The following INPP4B variants were observed in gnomAD, a reference collection of about 807,000 sequenced individuals.
The protein encoded by INPP4B is inositol polyphosphate 4-phosphatase type II.
INPP4B carries 55 observed loss-of-function variants against 122.5 expected under a neutral mutation model. The ratio of observed to expected loss-of-function variants is 0.45; its 90% CI spans 0.36 to 0.56. The LOEUF is 0.56. INPP4B is among the 20% of genes least tolerant of loss of function. The pLI, the probability that INPP4B is intolerant of heterozygous loss-of-function variation, is 0.00. For missense variants in INPP4B, 1,000 were observed against 1,097.7 expected (o/e 0.91, Z 1.26); for synonymous variants, 403 against 388.7 (o/e 1.04, Z -0.43).
At chr4:142,671,790 G>T (rs186793006) in intron 2 of INPP4B, among the ~76,000 whole-genome samples, 20 of 152,198 alleles carry the variant, frequency 1.3e-4, no homozygotes, top group Admixed American at 3.9e-4. Context: ...TTTACATACT[G>T]TAAAATTTAC....
At chr4:142,694,391 GAAAAAAAGA>G (rs1208714848) in intron 2 of INPP4B, among the ~76,000 whole-genome samples, 9 of 145,402 alleles carry the variant, frequency 6.2e-5, no homozygotes, top group African/African-American at 2.3e-4. Flanking sequence ...AAACAAAAAA[GAAAAAAAGA>G]AAAAAAAAAC....
rs190948064 is a variant in INPP4B, at chr4:142,500,577, G to A, written c.-190-37851C>T. 8.7e-4 allele frequency among the ~76,000 whole-genome samples: 133 copies of A among 152,278 alleles called. 2 individuals carry two copies. Among genetic ancestry groups the A allele is most frequent in the African/African-American group, 3.1e-3 (127 of 41,558 alleles). On this transcript the variant is annotated intron_variant, in intron 2 of 25. Transcript: ENST00000262992. ...AAAGCTGAATAACATTCCATTGCAT[G>A]TATATACAACATTTTCTTTATCTGT...
chr4:142,340,899 A>C lies in INPP4B; in HGVS notation c.373-26137T>G, dbSNP rs144176261. 4.6e-3 allele frequency among the ~76,000 whole-genome samples: 704 copies of C among 152,310 alleles called. 17 individuals carry two copies. The highest frequency in any genetic ancestry group is 0.042 in the Admixed American group (640 of 15,298). ...TTTAAGTACCATCTGGAGAAAAAAAACTGTAGATCTGTTGTTTTATCATAT... is the reference window on the plus strand; with the variant it reads ...TTTAAGTACCATCTGGAGAAAAAAACCTGTAGATCTGTTGTTTTATCATAT... On this transcript the variant is annotated intron_variant, in intron 7 of 25. Coordinates refer to ENST00000262992, the MANE Select transcript of INPP4B (RefSeq NM_001101669.3).
At chr4:142,260,131 C>T (rs1042930356) in intron 11 of INPP4B, among the ~76,000 whole-genome samples, 13 of 152,088 alleles carry the variant, frequency 8.5e-5, no homozygotes, top group Non-Finnish European at 1.8e-4. Context: ...ACTACAGGCA[C>T]GGGCCACCAT....
chr4:142,765,802 C>T (rs1772028734), intron 1 of INPP4B: 1 of 150,556 alleles, frequency 6.6e-6, no homozygotes, highest in Admixed American at 6.6e-5. Context: ...TATAATCCAG[C>T]TCATAAAACT....
intron 2 of INPP4B, among the ~76,000 whole-genome samples, chr4:142,624,991 A>G (rs1175967384): frequency 3.6e-4 from 55 of 151,272 alleles, no homozygotes; most frequent in African/African-American, 1.3e-3. Flanking sequence ...TCAAAATAAT[A>G]AGAGCTATCT....
intron 16 of INPP4B, among the ~76,000 whole-genome samples, chr4:142,167,378 A>G (rs1011867193): frequency 3.3e-5 from 5 of 151,704 alleles, no homozygotes; most frequent in African/African-American, 1.2e-4. Flanking sequence ...AAAAACACAT[A>G]CTGGGGACTT....
At chr4:142,202,455 C>T (rs1841044697) in intron 14 of INPP4B, among the ~76,000 whole-genome samples, 1 of 151,992 alleles carries the variant, frequency 6.6e-6, no homozygotes, top group African/African-American at 2.4e-5. Context: ...CAAAATAGTC[C>T]AAGCAATTTG....
chr4:142,314,662 T>C (rs780078641), intron 8 of INPP4B, 50 bp downstream of exon 8: 16 of 1,523,378 alleles, frequency 1.1e-5, no homozygotes, highest in East Asian at 2.4e-5. Flanking sequence ...ATCCAAATGA[T>C]TAATTTAGAA....
intron 25 of INPP4B, among the ~76,000 whole-genome samples, chr4:142,063,978 A>G (rs762924236): frequency 1.5e-4 from 23 of 152,224 alleles, no homozygotes; most frequent in Non-Finnish European, 2.4e-4. Context: ...TAAGGATTGC[A>G]TAATGGAAGG....
chr4:142,279,599 A>C (rs952996459), intron 9 of INPP4B, among the ~76,000 whole-genome samples: 1 of 151,908 alleles, frequency 6.6e-6, no homozygotes, highest in African/African-American at 2.4e-5. Context: ...AGTTAACTTA[A>C]AGTAGTTCAT....
chr4:142,118,410 T>C (rs1350752070), intron 21 of INPP4B, among the ~76,000 whole-genome samples: 2 of 152,118 alleles, frequency 1.3e-5, no homozygotes, highest in East Asian at 3.9e-4. Flanking sequence ...AAGGCTACAG[T>C]AACCAAAACA....
At chr4:142,204,350 C>G (rs75755511) in intron 14 of INPP4B, among the ~76,000 whole-genome samples, 4,537 of 152,172 alleles carry the variant, frequency 0.03, 212 homozygotes, top group African/African-American at 0.1. Context: ...CTTAGGATAT[C>G]TAGCCTTTTC....
chr4:142,180,963 C>T (rs1020122257), intron 15 of INPP4B, among the ~76,000 whole-genome samples: 1 of 152,096 alleles, frequency 6.6e-6, no homozygotes, highest in South Asian at 2.1e-4. Context: ...ATAACTACTA[C>T]TCAGTCAATG....
chr4:142,337,482 C>G (rs571078635), intron 7 of INPP4B, among the ~76,000 whole-genome samples: 2 of 151,438 alleles, frequency 1.3e-5, no homozygotes, highest in Admixed American at 6.6e-5. Flanking sequence ...TGAGTTTTTA[C>G]CAACCATTGA....
At chr4:142,648,345 T>A (rs1456281208) in intron 2 of INPP4B, among the ~76,000 whole-genome samples, 1 of 151,984 alleles carries the variant, frequency 6.6e-6, no homozygotes, top group African/African-American at 2.4e-5. Context: ...CCATGGAGGG[T>A]GAGCCAAAGC....
intron 3 of INPP4B, among the ~76,000 whole-genome samples, chr4:142,455,245 ATAT>A (rs1448961314): frequency 2.0e-5 from 3 of 152,136 alleles, no homozygotes; most frequent in Admixed American, 6.6e-5. Flanking sequence ...ATGCTATCAA[ATAT>A]TAGGTCTTAA....
intron 18 of INPP4B, among the ~76,000 whole-genome samples, chr4:142,139,218 A>G (rs1019261727): frequency 6.6e-6 from 1 of 152,196 alleles, no homozygotes. Context: ...TCCAACCAAT[A>G]CAAATTTAGT....
At chr4:142,433,954 C>T (rs1205934394) in intron 3 of INPP4B, among the ~76,000 whole-genome samples, 1 of 151,820 alleles carries the variant, frequency 6.6e-6, no homozygotes, top group Non-Finnish European at 1.5e-5. Flanking sequence ...ATAAAAAGTA[C>T]AGAAGATGAA....
Sources: gnomAD v4.1 joint callset for allele counts (sites outside exome capture counted in the v4.1 genomes callset) on GRCh38, gnomAD v4.1.1 for gene constraint, MANE v1.5 for transcripts, NCBI Gene and HGNC (gene_info 2026-07-23, HGNC 2026-07-21) for gene names.